NRG1: variants seen among roughly 807,000 people sequenced by gnomAD.
NRG1 encodes pro-neuregulin-1, membrane-bound isoform.
NRG1 carries 18 observed loss-of-function variants against 63.8 expected under a neutral mutation model. The ratio of observed to expected loss-of-function variants is 0.28; its 90% CI spans 0.19 to 0.42. The LOEUF is 0.42. Among genes scored for constraint, NRG1 ranks in the 10% least tolerant of loss-of-function variants. NRG1 has a pLI of 1.00. For synonymous variants in NRG1, 302 were observed against 301.3 expected (o/e 1.00, Z -0.02); for missense variants, 762 against 814.7 (o/e 0.94, Z 0.79).
At chr8:32,354,440 T>G (rs893365765) in intron 1 of NRG1, among the ~76,000 whole-genome samples, 1 of 152,108 alleles carries the variant, frequency 6.6e-6, no homozygotes, top group Non-Finnish European at 1.5e-5. Flanking sequence ...CTAATCTATA[T>G]AAAAATTTTT....
At chr8:32,472,231 C>T (rs966590278) in intron 1 of NRG1, among the ~76,000 whole-genome samples, 4 of 152,128 alleles carry the variant, frequency 2.6e-5, no homozygotes, top group East Asian at 1.9e-4. Context: ...AGTGCAGTGG[C>T]GCGATATCAA....
At chr8:32,438,661 G>C (rs959082264) in intron 1 of NRG1, among the ~76,000 whole-genome samples, 1 of 152,138 alleles carries the variant, frequency 6.6e-6, no homozygotes, top group African/African-American at 2.4e-5. Context: ...CCAGCAATGT[G>C]ACAGCAATTG....
intron 1 of NRG1, among the ~76,000 whole-genome samples, chr8:32,337,653 C>CGAAAAAAAAAAAAAAAAAAAAAAAA (rs1803452831): frequency 4.0e-5 from 1 of 24,704 alleles, no homozygotes; most frequent in African/African-American, 1.5e-4. Flanking sequence ...AGAGTTATTG[C>CGAAAAAAAAAAAAAAAAAAAAAAAA]AAAAAAAAAA....
intron 1 of NRG1, among the ~76,000 whole-genome samples, chr8:31,713,206 T>G (rs903329461): frequency 7.3e-6 from 1 of 136,280 alleles, no homozygotes. Context: ...AGGCTCCACC[T>G]CCCGGGTTCA....
chr8:32,535,398 T>G (rs1831859112), intron 1 of NRG1, among the ~76,000 whole-genome samples: 1 of 152,224 alleles, frequency 6.6e-6, no homozygotes, highest in African/African-American at 2.4e-5. Context: ...TGCATTAAAG[T>G]TTATATAGCA....
intron 2 of NRG1, among the ~76,000 whole-genome samples, chr8:32,598,393 A>C (rs1348361707): frequency 6.6e-6 from 1 of 152,112 alleles, no homozygotes; most frequent in Admixed American, 6.6e-5. Context: ...ACTGACTAGA[A>C]TGAATAGGCT....
intron 1 of NRG1, among the ~76,000 whole-genome samples, chr8:31,715,206 T>C (rs900811015): frequency 6.6e-6 from 1 of 152,074 alleles, no homozygotes; most frequent in Non-Finnish European, 1.5e-5. Context: ...TAGAATGCAA[T>C]TAGAGAATAC....
intron 7 of NRG1, among the ~76,000 whole-genome samples, chr8:32,753,195 T>G (rs1365646714): frequency 6.6e-6 from 1 of 152,190 alleles, no homozygotes; most frequent in African/African-American, 2.4e-5. Context: ...CACTGCTTAT[T>G]TCATACCAGT....
chr8:31,693,962 C>T lies in NRG1; in HGVS notation c.37+54531C>T, dbSNP rs574458225. ...AAGCCATCCTCCCACCTTAGACTCT[C>T]GAGTAGGTGGGACTATAGGAGTGTG... On this transcript the variant is annotated intron_variant, in intron 1 of 10. Coordinates refer to the NRG1 transcript ENST00000519301. 8.1e-4 allele frequency among the ~76,000 whole-genome samples: 123 copies of T among 152,182 alleles called. 3 individuals carry two copies. Among genetic ancestry groups the T allele is most frequent in the Admixed American group, 8.0e-3 (122 of 15,292 alleles).
chr8:32,144,371 A>T (rs1836636340), intron 1 of NRG1, among the ~76,000 whole-genome samples: 1 of 151,292 alleles, frequency 6.6e-6, no homozygotes, highest in African/African-American at 2.4e-5. Context: ...TGTATATAGT[A>T]TGTGTGTTTA....
At chr8:32,607,422 C>A (rs1364531153) in intron 3 of NRG1, among the ~76,000 whole-genome samples, 2 of 152,050 alleles carry the variant, frequency 1.3e-5, no homozygotes, top group African/African-American at 4.8e-5. Flanking sequence ...TGTAGCTATA[C>A]CACAAAGTCC....
intron 1 of NRG1, among the ~76,000 whole-genome samples, chr8:32,261,539 C>CT (rs1227589986): frequency 2.0e-5 from 3 of 152,206 alleles, no homozygotes; most frequent in East Asian, 3.9e-4. Context: ...ATTAAGCCTT[C>CT]TTTTTTGAGT....
intron 1 of NRG1, among the ~76,000 whole-genome samples, chr8:32,187,181 T>A (rs1458724427): frequency 4.6e-5 from 7 of 152,218 alleles, no homozygotes; most frequent in African/African-American, 1.4e-4. Flanking sequence ...GTCACTTCTA[T>A]TGTGAATACC....
chr8:32,473,605 G>A (rs2129491108), intron 1 of NRG1, among the ~76,000 whole-genome samples: 1 of 152,254 alleles, frequency 6.6e-6, no homozygotes, highest in Non-Finnish European at 1.5e-5. Context: ...TCATCAATGA[G>A]AAGTCTGACC....
intron 1 of NRG1, among the ~76,000 whole-genome samples, chr8:32,362,644 C>A (rs1807373386): frequency 6.6e-6 from 1 of 152,130 alleles, no homozygotes; most frequent in Non-Finnish European, 1.5e-5. Flanking sequence ...TAAGATAAAT[C>A]TCAAGCAGAG....
intron 1 of NRG1, among the ~76,000 whole-genome samples, chr8:32,264,080 G>A (rs887620494): frequency 3.9e-5 from 6 of 151,952 alleles, no homozygotes; most frequent in African/African-American, 1.5e-4. Flanking sequence ...TGTCATGGGG[G>A]AAAAAATTCA....
intron 1 of NRG1, among the ~76,000 whole-genome samples, chr8:32,182,254 A>T (rs942871096): frequency 2.7e-5 from 4 of 148,846 alleles, no homozygotes; most frequent in Admixed American, 6.7e-5. Context: ...ATGATACACA[A>T]TTTTTTTTTT....
chr8:32,086,363 G>A (rs965421510), intron 1 of NRG1, among the ~76,000 whole-genome samples: 1 of 152,146 alleles, frequency 6.6e-6, no homozygotes, highest in Non-Finnish European at 1.5e-5. Context: ...GAGTGTCTCC[G>A]CATTTAGATA....
At chr8:32,157,706 A>T (rs1838297259) in intron 1 of NRG1, among the ~76,000 whole-genome samples, 1 of 149,640 alleles carries the variant, frequency 6.7e-6, no homozygotes, top group Non-Finnish European at 1.5e-5. Flanking sequence ...AAATATTTTT[A>T]TATACATATC....
Sources: gnomAD v4.1 joint callset for allele counts (sites outside exome capture counted in the v4.1 genomes callset) on GRCh38, gnomAD v4.1.1 for gene constraint, MANE v1.5 for transcripts, NCBI Gene and HGNC (gene_info 2026-07-23, HGNC 2026-07-21) for gene names.